The following PDE8B variants were observed in gnomAD, a reference collection of about 807,000 sequenced individuals.
PDE8B encodes high affinity cAMP-specific and IBMX-insensitive 3',5'-cyclic phosphodiesterase 8B.
PDE8B carries 26 observed loss-of-function variants against 101.3 expected under a neutral mutation model. That is an observed-to-expected ratio of 0.26 (90% CI 0.19 to 0.36). PDE8B has a LOEUF of 0.36. PDE8B is among the 10% of genes least tolerant of loss of function. PDE8B has a pLI of 1.00. For synonymous variants in PDE8B, 424 were observed against 429.3 expected, an observed-to-expected ratio of 0.99 and a Z score of 0.15; for missense variants, 810 against 1,163.1, an observed-to-expected ratio of 0.70 and a Z score of 4.42.
At chr5:77,095,491 C>T in the PDE8B span, among the ~76,000 whole-genome samples, 5 of 152,286 alleles carry the variant, frequency 3.3e-5, no homozygotes, top group African/African-American at 4.8e-5. Context: ...ACAGTGGTTT[C>T]GGCACCCATT....
At chr5:77,204,963 A>G in the PDE8B span, among the ~76,000 whole-genome samples, 3 of 152,222 alleles carry the variant, frequency 2.0e-5, no homozygotes, top group East Asian at 5.8e-4. Context: ...TGTGAAATAT[A>G]TTTGTAAGAC....
intron 20 of PDE8B, among the ~76,000 whole-genome samples, chr5:77,422,488 AAG>A (rs2151197776): frequency 6.6e-6 from 1 of 152,296 alleles, no homozygotes; most frequent in Admixed American, 6.5e-5. Flanking sequence ...TTCTAGATAA[AAG>A]GGGGGCTACA....
At chr5:77,217,133 C>G (rs541029647) in intron 1 of PDE8B, among the ~76,000 whole-genome samples, 1 of 152,272 alleles carries the variant, frequency 6.6e-6, no homozygotes, top group East Asian at 1.9e-4. Flanking sequence ...ATATCCTTCT[C>G]TTCAGTTCAT....
intron 1 of PDE8B, among the ~76,000 whole-genome samples, chr5:77,288,839 C>CTG (rs1766622195): frequency 4.7e-5 from 6 of 128,348 alleles, no homozygotes; most frequent in African/African-American, 1.7e-4. Context: ...CTGCCCCCAT[C>CTG]TTTTTTTTTT....
At chr5:77,328,263 C>A (rs1171379321) in intron 3 of PDE8B, among the ~76,000 whole-genome samples, 1 of 152,190 alleles carries the variant, frequency 6.6e-6, no homozygotes, top group African/African-American at 2.4e-5. Context: ...AGAATCTGGG[C>A]TGTAGCATGG....
At chr5:77,322,589 T>C (rs377088179) in intron 2 of PDE8B, among the ~76,000 whole-genome samples, 1 of 152,188 alleles carries the variant, frequency 6.6e-6, no homozygotes, top group Admixed American at 6.5e-5. Flanking sequence ...CATAGAACTC[T>C]GCCTGGAATG....
At chr5:77,399,123 C>T (rs1791697703) in intron 10 of PDE8B, among the ~76,000 whole-genome samples, 1 of 152,230 alleles carries the variant, frequency 6.6e-6, no homozygotes, top group Non-Finnish European at 1.5e-5. Flanking sequence ...ATGTGTAGGA[C>T]ACTTGCAGAG....
chr5:77,335,007 C>A (rs1410470094), intron 5 of PDE8B, among the ~76,000 whole-genome samples: 1 of 152,310 alleles, frequency 6.6e-6, no homozygotes, highest in Non-Finnish European at 1.5e-5. Flanking sequence ...AGTAAAGAAA[C>A]CTGCTAACTT....
At chr5:77,368,287 C>G (rs1554090630) in intron 10 of PDE8B, among the ~76,000 whole-genome samples, 1 of 152,156 alleles carries the variant, frequency 6.6e-6, no homozygotes, top group Non-Finnish European at 1.5e-5. Flanking sequence ...TTATTTCTGT[C>G]TTAAAAACTT....
intron 10 of PDE8B, among the ~76,000 whole-genome samples, chr5:77,394,197 A>G (rs896909377): frequency 1.3e-5 from 2 of 152,194 alleles, no homozygotes; most frequent in Admixed American, 1.3e-4. Context: ...TCTTCCAAAC[A>G]GGATGTTGCC....
At chr5:77,208,702 C>T (rs776323413), upstream of PDE8B, among the ~76,000 whole-genome samples, 3 of 152,192 alleles carry the variant, frequency 2.0e-5, no homozygotes, top group East Asian at 1.9e-4. Context: ...ACTTACTCCT[C>T]CAGCTACTGG....
chr5:77,303,436 A>C (rs1171445152), intron 1 of PDE8B, among the ~76,000 whole-genome samples: 1 of 152,026 alleles, frequency 6.6e-6, no homozygotes, highest in African/African-American at 2.4e-5. Flanking sequence ...AAAATACAAA[A>C]AATTAGCCTG....
chr5:77,180,114 G>T, the PDE8B span, among the ~76,000 whole-genome samples: 1 of 152,182 alleles, frequency 6.6e-6, no homozygotes, highest in Non-Finnish European at 1.5e-5. Context: ...CCCAAGAAAG[G>T]CTCCAGGTTT....
At chr5:77,129,090 T>G in the PDE8B span, among the ~76,000 whole-genome samples, 9 of 152,194 alleles carry the variant, frequency 5.9e-5, no homozygotes, top group Non-Finnish European at 7.3e-5. Flanking sequence ...TGTAATCTTT[T>G]GTATGATCTG....
chr5:77,239,646 A>G (rs1755346502), intron 1 of PDE8B, among the ~76,000 whole-genome samples: 1 of 152,238 alleles, frequency 6.6e-6, no homozygotes, highest in Non-Finnish European at 1.5e-5. Flanking sequence ...ATCGAAATCC[A>G]CACTTTTGAT....
rs1758977129 is a variant in PDE8B, at chr5:77,255,629, C to G, written c.339+44365C>G. Reference sequence around the variant, plus strand: ...CTCAGCCACCTGCCTCCGTGTCTGCCTTGCAGCCACTGAGGTCCTCTGGCT... The same window carrying G: ...CTCAGCCACCTGCCTCCGTGTCTGCGTTGCAGCCACTGAGGTCCTCTGGCT... On this transcript the variant is annotated intron_variant, in intron 1 of 21. Transcript: ENST00000264917. Among the ~76,000 whole-genome samples, 4 of 152,226 alleles carry G rather than the reference C, an allele frequency of 2.6e-5. No individual in the cohort carries two copies. The South Asian group carries it at 8.3e-4, about 32-fold the overall frequency.
In PDE8B at chr5:77,362,812, GTCC is replaced by G. The variant is rs1783368920; in HGVS notation, c.1167+9411_1167+9413del. Reference sequence around the variant, plus strand: ...GTCTAGCATGCTCTTCCTTCCTCCTGTCCTCCTGGAAAAATCTTGGTCCCCTGA... The same window carrying G: ...GTCTAGCATGCTCTTCCTTCCTCCTGTCCTGGAAAAATCTTGGTCCCCTGA... On this transcript the variant is annotated intron_variant, in intron 10 of 21. Coordinates refer to ENST00000264917, the MANE Select transcript of PDE8B (RefSeq NM_003719.5). 2.0e-5 allele frequency among the ~76,000 whole-genome samples: 3 copies of G among 152,244 alleles called. No homozygotes were observed. The South Asian group carries it at 6.2e-4, about 32-fold the overall frequency.
the PDE8B span, among the ~76,000 whole-genome samples, chr5:77,107,799 C>T: frequency 2.6e-5 from 4 of 152,180 alleles, no homozygotes; most frequent in Non-Finnish European, 5.9e-5. Flanking sequence ...GAAATTACTT[C>T]TGAGTTTGAT....
At chr5:77,140,901 C>T in the PDE8B span, 2 of 152,088 alleles carry the variant, frequency 1.3e-5, no homozygotes, top group African/African-American at 4.8e-5. Context: ...CGTATATATA[C>T]ATACACATGT....
Sources: allele counts gnomAD v4.1 joint callset (sites outside exome capture counted in the v4.1 genomes callset), GRCh38; gene constraint gnomAD v4.1.1; transcripts MANE v1.5; gene names NCBI Gene and HGNC (gene_info 2026-07-23, HGNC 2026-07-21).